Variants in PID1 observed in about 807,000 individuals in gnomAD.
PID1 encodes the protein phosphotyrosine interaction domain containing 1.
In PID1, 10 loss-of-function variants were observed where a neutral mutation model predicts 19.1. The ratio of observed to expected loss-of-function variants is 0.52; its 90% confidence interval spans 0.32 to 0.89. PID1 has a LOEUF of 0.89. Among genes scored for constraint, PID1 ranks in the 40% least tolerant of loss-of-function variants. The probability of loss-of-function intolerance (pLI) is 0.03; values close to 1 mark genes in which losing one functional copy is unlikely to be tolerated. For missense variants in PID1, 248 were observed against 285.3 expected (o/e 0.87, Z 0.94); for synonymous variants, 130 against 116.0 (o/e 1.12, Z -0.78).
At chr2:229,242,764 T>C (rs1689903947) in intron 1 of PID1, among the ~76,000 whole-genome samples, 3 of 152,250 alleles carry the variant, frequency 2.0e-5, no homozygotes, top group South Asian at 4.1e-4. Context: ...AAGCTCCCAA[T>C]AGTTTCCCAG....
intron 2 of PID1, among the ~76,000 whole-genome samples, chr2:229,127,563 A>G (rs1333528493): frequency 6.6e-6 from 1 of 152,152 alleles, no homozygotes; most frequent in East Asian, 1.9e-4. Context: ...AGACCAAGTG[A>G]CCAAGGTTTC....
chr2:229,164,425 G>A (rs1267328549), intron 1 of PID1, among the ~76,000 whole-genome samples: 1 of 152,130 alleles, frequency 6.6e-6, no homozygotes, highest in Non-Finnish European at 1.5e-5. Flanking sequence ...ATATAAACAG[G>A]TCAACATGTC....
At chr2:229,263,730 C>T (rs1043007750) in intron 1 of PID1, among the ~76,000 whole-genome samples, 1 of 152,182 alleles carries the variant, frequency 6.6e-6, no homozygotes, top group Non-Finnish European at 1.5e-5. Context: ...AGAATTTTCT[C>T]AAGGATTAAA....
chr2:229,206,626 T>G (rs963853798), intron 1 of PID1, among the ~76,000 whole-genome samples: 2 of 152,322 alleles, frequency 1.3e-5, no homozygotes, highest in Middle Eastern at 3.4e-3. Context: ...ACATCATAAG[T>G]TAAATAAATA....
chr2:229,175,459 G>C (rs1381365177), intron 1 of PID1, among the ~76,000 whole-genome samples: 1 of 152,240 alleles, frequency 6.6e-6, no homozygotes, highest in African/African-American at 2.4e-5. Context: ...CAAGGCTGCT[G>C]TTGTTTATGA....
intron 1 of PID1, among the ~76,000 whole-genome samples, chr2:229,181,688 C>T (rs1004889907): frequency 6.6e-6 from 1 of 152,190 alleles, no homozygotes; most frequent in African/African-American, 2.4e-5. Context: ...AGTTCTGAAC[C>T]ATTTAACTGC....
chr2:229,171,498 T>A (rs565808382), intron 1 of PID1, among the ~76,000 whole-genome samples: 33 of 152,210 alleles, frequency 2.2e-4, no homozygotes, highest in South Asian at 6.2e-4. Flanking sequence ...GTGGGCATTA[T>A]CATCATATCT....
At chr2:229,223,093 T>A (rs1476419608) in intron 1 of PID1, among the ~76,000 whole-genome samples, 1 of 152,032 alleles carries the variant, frequency 6.6e-6, no homozygotes, top group African/African-American at 2.4e-5. Flanking sequence ...TTCCCAGGAG[T>A]GGGATGGCTG....
At chr2:229,121,572 T>A (rs1447744547) in intron 2 of PID1, among the ~76,000 whole-genome samples, 1 of 152,158 alleles carries the variant, frequency 6.6e-6, no homozygotes, top group Non-Finnish European at 1.5e-5. Flanking sequence ...TTCTCTCCAC[T>A]TTTTTCTGCA....
At chr2:229,253,417 T>C (rs533134813) in intron 1 of PID1, among the ~76,000 whole-genome samples, 6 of 152,224 alleles carry the variant, frequency 3.9e-5, no homozygotes, top group South Asian at 2.1e-4. Flanking sequence ...TTAAGATTTA[T>C]AGGAGATGCC....
At chr2:229,200,599 C>T (rs182523752) in intron 1 of PID1, among the ~76,000 whole-genome samples, 303 of 152,136 alleles carry the variant, frequency 2.0e-3, no homozygotes, top group African/African-American at 7.0e-3. Flanking sequence ...TCCTCCCAAC[C>T]ACTGAGCTCC....
At chr2:229,057,169 G>C (rs1028629402) in intron 2 of PID1, among the ~76,000 whole-genome samples, 1 of 152,140 alleles carries the variant, frequency 6.6e-6, no homozygotes, top group African/African-American at 2.4e-5. Flanking sequence ...CAGGCCTGGT[G>C]GCTCATGCCT....
chr2:229,144,403 G>A (rs555837229), intron 2 of PID1, among the ~76,000 whole-genome samples: 25 of 152,164 alleles, frequency 1.6e-4, no homozygotes, highest in African/African-American at 5.5e-4. Flanking sequence ...CGGGTAGCTG[G>A]GGAACATATT....
intron 1 of PID1, among the ~76,000 whole-genome samples, chr2:229,261,896 C>CT (rs34477126): frequency 0.3 from 44,252 of 147,818 alleles, 7,490 homozygotes; most frequent in Non-Finnish European, 0.4. Context: ...ACATGGCTGA[C>CT]TTTTTTTTTT....
chr2:229,232,853 T>A (rs1692245129), intron 1 of PID1, among the ~76,000 whole-genome samples: 1 of 149,238 alleles, frequency 6.7e-6, no homozygotes, highest in Non-Finnish European at 1.5e-5. Context: ...GTGTGTGTAT[T>A]CACACTTATA....
chr2:229,043,647 A>G (rs1693817791), intron 2 of PID1, among the ~76,000 whole-genome samples: 1 of 152,190 alleles, frequency 6.6e-6, no homozygotes, highest in Non-Finnish European at 1.5e-5. Context: ...ATTTTTCAAG[A>G]AGCACCTTCT....
intron 2 of PID1, among the ~76,000 whole-genome samples, chr2:229,037,515 TC>T (rs1693688515): frequency 6.6e-6 from 1 of 152,180 alleles, no homozygotes; most frequent in South Asian, 2.1e-4. Flanking sequence ...GTGCAATTTG[TC>T]CTGTCAATTG....
chr2:229,105,859 C>G (rs1185615944), intron 2 of PID1, among the ~76,000 whole-genome samples: 1 of 152,012 alleles, frequency 6.6e-6, no homozygotes, highest in African/African-American at 2.4e-5. Flanking sequence ...GCAGGCACAT[C>G]ATGAGGTCAG....
chr2:229,178,055 C>T (rs1559270782), intron 1 of PID1, among the ~76,000 whole-genome samples: 1 of 152,144 alleles, frequency 6.6e-6, no homozygotes, highest in Non-Finnish European at 1.5e-5. Flanking sequence ...AAGTCAGAGA[C>T]TGGGGCTGCA....
Sources: allele counts gnomAD v4.1 joint callset (sites outside exome capture counted in the v4.1 genomes callset), GRCh38; gene constraint gnomAD v4.1.1; transcripts MANE v1.5; gene names NCBI Gene and HGNC (gene_info 2026-07-23, HGNC 2026-07-21).